The following BAIAP2L1 variants were observed in gnomAD, a reference collection of about 807,000 sequenced individuals.
BAIAP2L1 encodes BAR/IMD domain containing adaptor protein 2 like 1.
A neutral mutation model predicts 66.3 loss-of-function variants in BAIAP2L1; 35 were observed. The observed-to-expected ratio is 0.53, with a 90% CI of 0.40 to 0.70. The LOEUF is 0.70. Among genes scored for constraint, BAIAP2L1 ranks in the 30% least tolerant of loss-of-function variants. The probability of loss-of-function intolerance (pLI) is 0.00; values close to 1 mark genes in which losing one functional copy is unlikely to be tolerated. For synonymous variants in BAIAP2L1, 269 were observed against 248.7 expected (o/e 1.08, Z -0.77); for missense variants, 622 against 656.9 (o/e 0.95, Z 0.58).
chr7:98,397,565 T>C (rs1378509213), intron 1 of BAIAP2L1, among the ~76,000 whole-genome samples: 1 of 152,034 alleles, frequency 6.6e-6, no homozygotes, highest in African/African-American at 2.4e-5. Context: ...CCTCATGATC[T>C]GCCTGCCCAC....
intron 3 of BAIAP2L1, among the ~76,000 whole-genome samples, chr7:98,328,409 C>G (rs1358257386): frequency 2.0e-5 from 3 of 152,186 alleles, no homozygotes; most frequent in African/African-American, 7.2e-5. Flanking sequence ...GGGAAGTTCC[C>G]TAACCTCTTT....
chr7:98,390,874 G>A (rs191353857), intron 1 of BAIAP2L1, among the ~76,000 whole-genome samples: 16 of 152,188 alleles, frequency 1.1e-4, no homozygotes, highest in African/African-American at 3.6e-4. Context: ...CTCTCGCTCT[G>A]TTGCCAGGCT....
chr7:98,387,739 C>T (rs1451078348), intron 1 of BAIAP2L1, among the ~76,000 whole-genome samples: 6 of 151,690 alleles, frequency 4.0e-5, no homozygotes, highest in African/African-American at 7.3e-5. Flanking sequence ...TGGTGGTGCA[C>T]GCCTGTAGTC....
At chr7:98,376,415 A>C (rs1037832540) in intron 1 of BAIAP2L1, among the ~76,000 whole-genome samples, 2 of 152,036 alleles carry the variant, frequency 1.3e-5, no homozygotes, top group African/African-American at 4.8e-5. Flanking sequence ...AGAGGCTGAG[A>C]TGGGAGAATT....
chr7:98,384,108 C>A (rs990163327), intron 1 of BAIAP2L1, among the ~76,000 whole-genome samples: 1 of 149,408 alleles, frequency 6.7e-6, no homozygotes, highest in Non-Finnish European at 1.5e-5. Context: ...GAGCCGAGAT[C>A]GCACCATTGC....
intron 1 of BAIAP2L1, among the ~76,000 whole-genome samples, chr7:98,364,096 G>C (rs1802336063): frequency 6.6e-6 from 1 of 151,938 alleles, no homozygotes; most frequent in Non-Finnish European, 1.5e-5. Flanking sequence ...TGAGGCCTCA[G>C]GTCTCTATAC....
intron 2 of BAIAP2L1, 37 bp from the exon 3 acceptor site, chr7:98,355,165 G>GA: frequency 7.0e-7 from 1 of 1,429,466 alleles, no homozygotes; most frequent in Non-Finnish European, 9.8e-7. Context: ...TCGTCACTTA[G>GA]ACAAGGAAAG....
chr7:98,314,775 G>A (rs183244115), intron 7 of BAIAP2L1, among the ~76,000 whole-genome samples: 11 of 152,274 alleles, frequency 7.2e-5, no homozygotes, highest in Non-Finnish European at 1.5e-4. Flanking sequence ...GCCCAGGTGG[G>A]GTAGACCTGG....
chr7:98,367,205 TAC>T (rs1168002027), intron 1 of BAIAP2L1, among the ~76,000 whole-genome samples: 1 of 152,142 alleles, frequency 6.6e-6, no homozygotes, highest in Non-Finnish European at 1.5e-5. Flanking sequence ...GTAAAAATAA[TAC>T]ACAGAGTTCC....
At chr7:98,308,076 G>C (rs1002992578) in intron 9 of BAIAP2L1, 180 bp from the exon 10 acceptor site, 13 of 717,070 alleles carry the variant, frequency 1.8e-5, no homozygotes, top group Non-Finnish European at 2.5e-6. Flanking sequence ...AGGGACTGTT[G>C]AGAAACAGAG....
chr7:98,314,867 G>A (rs1283950156), intron 7 of BAIAP2L1, among the ~76,000 whole-genome samples: 1 of 152,212 alleles, frequency 6.6e-6, no homozygotes, highest in Non-Finnish European at 1.5e-5. Flanking sequence ...AAGCTGACTC[G>A]CAGGTGAGAA....
At chr7:98,326,474 C>CT (rs1385143666) in intron 3 of BAIAP2L1, among the ~76,000 whole-genome samples, 3 of 152,162 alleles carry the variant, frequency 2.0e-5, no homozygotes, top group Non-Finnish European at 4.4e-5. Flanking sequence ...AACTAACTAA[C>CT]TAACTTAACT....
intron 5 of BAIAP2L1, among the ~76,000 whole-genome samples, chr7:98,317,645 C>G (rs1363832480): frequency 6.6e-6 from 1 of 150,948 alleles, no homozygotes; most frequent in Admixed American, 6.6e-5. Flanking sequence ...GCAGTTCACA[C>G]CATCCACACA....
rs12728 is a variant in BAIAP2L1 at position 98,293,539 on chromosome 7, C to T, written c.1518G>A (p.Ser506=). 725,283 of 1,609,978 alleles carry T rather than the reference C, an allele frequency of 0.45. 173,285 individuals carry two copies. The highest frequency in any genetic ancestry group is 0.53 in the Middle Eastern group (3,016 of 5,724). ...KLRPTVTNDR[S]APIIR is the part of the protein sequence containing the mutation. ...TGTCCTCTCATCGAATGATGGGTGC[C>T]GAGCGATCATTCGTCACAGTCGGGC... Residue 506 remains serine, a synonymous_variant, in exon 14 of 14, where the codon TCG becomes TCA. Coordinates refer to ENST00000005260, the MANE Select transcript of BAIAP2L1 (RefSeq NM_018842.5).
chr7:98,359,334 A>G (rs553411749), intron 2 of BAIAP2L1, among the ~76,000 whole-genome samples: 122 of 143,072 alleles, frequency 8.5e-4, no homozygotes, highest in African/African-American at 2.8e-3. Context: ...GTGCAATGGC[A>G]CGATCTCTGC....
At chr7:98,321,970 C>A (rs1801260642) in intron 3 of BAIAP2L1, among the ~76,000 whole-genome samples, 1 of 152,142 alleles carries the variant, frequency 6.6e-6, no homozygotes, top group Non-Finnish European at 1.5e-5. Flanking sequence ...ATGGCACGTG[C>A]CTGTAATCCC....
intron 2 of BAIAP2L1, among the ~76,000 whole-genome samples, chr7:98,356,736 C>T (rs980750043): frequency 5.4e-5 from 8 of 147,684 alleles, no homozygotes; most frequent in Non-Finnish European, 8.9e-5. Flanking sequence ...TAGCATTTTG[C>T]GAGGCTGAGG....
At chr7:98,350,455 A>AGACCAGCCTGGCAAACATGG (rs1468574117) in intron 3 of BAIAP2L1, among the ~76,000 whole-genome samples, 3 of 152,162 alleles carry the variant, frequency 2.0e-5, no homozygotes, top group African/African-American at 7.2e-5. Flanking sequence ...CAAGAGATTG[A>AGACCAGCCTGGCAAACATGG]GACCAGCCTG....
At chr7:98,385,740 G>GTT (rs199820184) in intron 1 of BAIAP2L1, 85 of 950,646 alleles carry the variant, frequency 8.9e-5, no homozygotes, top group African/African-American at 6.1e-4. Flanking sequence ...TTTTTTTGTT[G>GTT]TTTTTTTTTT....
Sources: allele counts gnomAD v4.1 joint callset (sites outside exome capture counted in the v4.1 genomes callset), GRCh38; gene constraint gnomAD v4.1.1; transcripts MANE v1.5; gene names NCBI Gene and HGNC (gene_info 2026-07-23, HGNC 2026-07-21).